The following IQCK variants were observed in gnomAD, a reference collection of about 807,000 sequenced individuals.
IQCK encodes IQ domain-containing protein K.
IQCK carries 29 observed loss-of-function variants against 28.1 expected under a neutral mutation model. The ratio of observed to expected loss-of-function variants is 1.03; its 90% CI spans 0.77 to 1.41. The LOEUF (loss-of-function observed/expected upper bound fraction) is 1.41, where lower values mean the gene tolerates loss of function less well. Among genes scored for constraint, IQCK ranks in the 40% most tolerant of loss-of-function variants. The pLI is 0.00. For synonymous variants in IQCK, 113 were observed against 115.1 expected, an observed-to-expected ratio of 0.98 and a Z score of 0.12; for missense variants, 359 against 314.7, an observed-to-expected ratio of 1.14 and a Z score of -1.07.
intron 6 of IQCK, among the ~76,000 whole-genome samples, chr16:19,767,399 C>T (rs184547011): frequency 7.0e-4 from 107 of 152,202 alleles, no homozygotes; most frequent in African/African-American, 2.3e-3. Flanking sequence ...AGCTCTCAGC[C>T]GATGGAGGAG....
At chr16:19,729,788 G>T (rs1469189832) in intron 1 of IQCK, among the ~76,000 whole-genome samples, 1 of 151,210 alleles carries the variant, frequency 6.6e-6, no homozygotes, top group African/African-American at 2.4e-5. Context: ...GGGACTACAG[G>T]CACCCACCAC....
chr16:19,801,493 TG>T (rs771130452), intron 7 of IQCK, among the ~76,000 whole-genome samples: 2 of 141,880 alleles, frequency 1.4e-5, no homozygotes, highest in Non-Finnish European at 3.0e-5. Context: ...TTTGTAGAGA[TG>T]GGGTTTCATC....
intron 7 of IQCK, among the ~76,000 whole-genome samples, chr16:19,826,381 C>CTTGT (rs749817691): frequency 6.6e-6 from 1 of 151,036 alleles, no homozygotes; most frequent in African/African-American, 2.4e-5. Context: ...GAGATATATT[C>CTTGT]TTGTTTGTTT....
chr16:19,848,559 T>G (rs981391204), intron 9 of IQCK, among the ~76,000 whole-genome samples: 23 of 152,192 alleles, frequency 1.5e-4, no homozygotes, highest in Admixed American at 6.5e-5. Context: ...ATTCCTGCAG[T>G]CCACCTGGGG....
intron 1 of IQCK, among the ~76,000 whole-genome samples, chr16:19,727,593 C>CG (rs1977699542): frequency 6.6e-6 from 1 of 150,410 alleles, no homozygotes; most frequent in Non-Finnish European, 1.5e-5. Flanking sequence ...TCACCCCCCC[C>CG]CCCCAAAAAA....
At chr16:19,851,736 TA>T (rs1372314965) in intron 9 of IQCK, among the ~76,000 whole-genome samples, 1 of 152,200 alleles carries the variant, frequency 6.6e-6, no homozygotes, top group Non-Finnish European at 1.5e-5. Flanking sequence ...AAGGACAGCA[TA>T]GGGGTGCCGA....
At chr16:19,820,424 T>C (rs895157333) in intron 7 of IQCK, among the ~76,000 whole-genome samples, 2 of 151,498 alleles carry the variant, frequency 1.3e-5, no homozygotes, top group Non-Finnish European at 1.5e-5. Flanking sequence ...CCGAGGCGGG[T>C]GGATCATGAG....
At chr16:19,718,935 A>T (rs1320216966) in intron 1 of IQCK, among the ~76,000 whole-genome samples, 6 of 152,206 alleles carry the variant, frequency 3.9e-5, no homozygotes, top group Non-Finnish European at 7.3e-5. Flanking sequence ...TAACGTAGGT[A>T]GTCGGTGGCC....
At chr16:19,808,034 G>C (rs1015403138) in intron 7 of IQCK, among the ~76,000 whole-genome samples, 9 of 151,876 alleles carry the variant, frequency 5.9e-5, no homozygotes, top group African/African-American at 2.2e-4. Context: ...GAAAACTTTT[G>C]TCTGTGCCCA....
intron 4 of IQCK, among the ~76,000 whole-genome samples, chr16:19,762,454 C>T (rs1361313331): frequency 6.6e-6 from 1 of 152,062 alleles, no homozygotes; most frequent in Non-Finnish European, 1.5e-5. Flanking sequence ...TAGTAAGCCT[C>T]GATATGAGCA....
chr16:19,847,930 A>C (rs1425872644), intron 9 of IQCK, among the ~76,000 whole-genome samples: 1 of 152,096 alleles, frequency 6.6e-6, no homozygotes, highest in Non-Finnish European at 1.5e-5. Context: ...GGCCTCCCAA[A>C]GTGCTGGGAT....
chr16:19,725,351 C>T (rs1977622827), intron 1 of IQCK, among the ~76,000 whole-genome samples: 1 of 152,168 alleles, frequency 6.6e-6, no homozygotes, highest in African/African-American at 2.4e-5. Context: ...CGTGCGCCAC[C>T]ACACCCAGCT....
At chr16:19,810,432 G>A (rs1406454599) in intron 7 of IQCK, among the ~76,000 whole-genome samples, 1 of 151,482 alleles carries the variant, frequency 6.6e-6, no homozygotes, top group East Asian at 1.9e-4. Flanking sequence ...AGGAGGTGGA[G>A]CTTGCAGTGA....
intron 6 of IQCK, among the ~76,000 whole-genome samples, chr16:19,784,233 A>G (rs956277274): frequency 7.9e-5 from 12 of 152,056 alleles, no homozygotes; most frequent in African/African-American, 2.9e-4. Flanking sequence ...TCTTCGAAGC[A>G]AATGATTGTG....
chr16:19,750,447 G>GT (rs888486102), intron 4 of IQCK, among the ~76,000 whole-genome samples: 62 of 148,570 alleles, frequency 4.2e-4, no homozygotes, highest in African/African-American at 1.5e-3. Flanking sequence ...AGAATTTTGT[G>GT]TTTTTTTGTT....
chr16:19,758,235 CTCTT>C (rs1301973334), intron 4 of IQCK, among the ~76,000 whole-genome samples: 4 of 152,326 alleles, frequency 2.6e-5, no homozygotes, highest in South Asian at 2.1e-4. Flanking sequence ...TTTTCCTTCT[CTCTT>C]TCAGCTCCTC....
At chr16:19,750,777 T>G (rs895341145) in intron 4 of IQCK, among the ~76,000 whole-genome samples, 3 of 152,180 alleles carry the variant, frequency 2.0e-5, no homozygotes, top group African/African-American at 4.8e-5. Context: ...TTTAATAAGA[T>G]AATGCATTTA....
At chr16:19,754,012 G>A (rs2055020341) in intron 4 of IQCK, among the ~76,000 whole-genome samples, 1 of 152,074 alleles carries the variant, frequency 6.6e-6, no homozygotes, top group Admixed American at 6.6e-5. Flanking sequence ...TCCTGATTCA[G>A]TGCATCCCTT....
chr16:19,775,241 AAAAAG>A (rs2055374745), intron 6 of IQCK, among the ~76,000 whole-genome samples: 1 of 151,942 alleles, frequency 6.6e-6, no homozygotes, highest in African/African-American at 2.4e-5. Context: ...AAAAAAAAAA[AAAAAG>A]AAGACTTTTT....
Sources: gnomAD v4.1 joint callset for allele counts (sites outside exome capture counted in the v4.1 genomes callset) on GRCh38, gnomAD v4.1.1 for gene constraint, MANE v1.5 for transcripts, NCBI Gene and HGNC (gene_info 2026-07-23, HGNC 2026-07-21) for gene names.